SAFB: variants seen among roughly 807,000 people sequenced by gnomAD.
SAFB encodes the protein scaffold attachment factor B.
Under a neutral mutation model 101.6 loss-of-function variants are expected in SAFB, and 15 were observed. The ratio of observed to expected loss-of-function variants is 0.15; its 90% confidence interval spans 0.10 to 0.23. The LOEUF (loss-of-function observed/expected upper bound fraction) is 0.23, where lower values mean the gene tolerates loss of function less well. Ranked by LOEUF, SAFB falls within the 10% of genes least tolerant of loss-of-function variation. SAFB has a pLI of 1.00. For missense variants in SAFB, 930 were observed against 1,104.1 expected, an observed-to-expected ratio of 0.84 and a Z score of 2.23; for synonymous variants, 449 against 407.5, an observed-to-expected ratio of 1.10 and a Z score of -1.23.
rs2054004285 is a variant in SAFB at position 5,654,207 on chromosome 19, A to G, written c.1666+7A>G. 6.2e-7 allele frequency: 1 copy of G among 1,614,026 alleles called. No individual in the cohort carries two copies. Among genetic ancestry groups the G allele is most frequent in the East Asian group, 2.2e-5 (1 of 44,900 alleles). ...TCTCGAGCCACAAAGTCAGGTGGGC[A>G]GCTCATGAGCCCAGGAGATTCTGTC... On this transcript the variant is annotated splice_region_variant and intron_variant, in intron 12 of 20. Transcript: ENST00000588852.
chr19:5,654,309 G>A (rs2054006306), intron 12 of SAFB, 59 bp from the exon 13 acceptor site: 2 of 1,590,240 alleles, frequency 1.3e-6, no homozygotes, highest in East Asian at 2.2e-5. Flanking sequence ...GTTGCAGAGG[G>A]TTTTTCTCAT....
chr19:5,664,994 A>T (rs998272660), intron 17 of SAFB: 14 of 155,060 alleles, frequency 9.0e-5, no homozygotes, highest in Admixed American at 9.0e-4. Flanking sequence ...ACTTCCCAGG[A>T]GAGCCTTGGA....
At chr19:5,636,684 T>C in intron 2 of SAFB, among the ~76,000 whole-genome samples, 1 of 152,072 alleles carries the variant, frequency 6.6e-6, no homozygotes, top group East Asian at 1.9e-4. Context: ...GTTACAAGAA[T>C]AGTTTCCAGT....
chr19:5,664,182 G>A (rs752205093), intron 16 of SAFB, 23 bp downstream of exon 16: 115 of 1,609,450 alleles, frequency 7.1e-5, no homozygotes, highest in African/African-American at 3.5e-4. Flanking sequence ...CCTGCTGGGC[G>A]TGCGGGTTTT....
chr19:5,623,181 G>A lies in SAFB; in HGVS notation c.-25G>A, dbSNP rs1327471563. 1 of 1,558,406 alleles carries A rather than the reference G, an allele frequency of 6.4e-7. No individual in the cohort carries two copies. The highest frequency in any genetic ancestry group is 2.4e-5 in the East Asian group (1 of 41,276). ...AAACCGGCCCGGTTCTGTGGAAAGT[G>A]GGCGGCGGAGCCAGGGTCCCTGGAA... On this transcript the variant is annotated 5_prime_UTR_variant, in exon 1 of 21. Coordinates refer to ENST00000588852, the MANE Select transcript of SAFB (RefSeq NM_001201338.2).
intron 2 of SAFB, among the ~76,000 whole-genome samples, chr19:5,637,026 C>G (rs952639796): frequency 1.1e-4 from 16 of 150,976 alleles, no homozygotes; most frequent in African/African-American, 3.9e-4. Context: ...CTTAATACTG[C>G]TTGAAACAAC....
intron 5 of SAFB, among the ~76,000 whole-genome samples, chr19:5,647,805 G>T (rs1227141634): frequency 6.6e-6 from 1 of 152,202 alleles, no homozygotes; most frequent in Admixed American, 6.5e-5. Context: ...CCAGGCTCCT[G>T]CAGGGGAGAC....
intron 4 of SAFB, among the ~76,000 whole-genome samples, chr19:5,643,389 C>T (rs997872679): frequency 6.6e-6 from 1 of 152,148 alleles, no homozygotes; most frequent in African/African-American, 2.4e-5. Context: ...TGCATTTCCT[C>T]TTGGAACTGA....
chr19:5,637,346 A>T (rs2485276), intron 2 of SAFB, among the ~76,000 whole-genome samples: 2 of 149,864 alleles, frequency 1.3e-5, no homozygotes, highest in Non-Finnish European at 3.0e-5. Context: ...TCCATCTCAA[A>T]AAAAAAAAAA....
chr19:5,640,979 G>A (rs2145427578), intron 2 of SAFB, among the ~76,000 whole-genome samples: 1 of 150,962 alleles, frequency 6.6e-6, no homozygotes, highest in South Asian at 2.1e-4. Flanking sequence ...GCCCAGGCTG[G>A]AGTGCAGTGG....
At chr19:5,639,286 A>T (rs941698305) in intron 2 of SAFB, among the ~76,000 whole-genome samples, 3 of 152,348 alleles carry the variant, frequency 2.0e-5, no homozygotes, top group African/African-American at 7.2e-5. Context: ...TTAAAACTTC[A>T]AAAGAACTAA....
intron 11 of SAFB, 104 bp downstream of exon 11, chr19:5,653,524 T>A: frequency 1.0e-6 from 1 of 971,562 alleles, no homozygotes; most frequent in East Asian, 2.6e-5. Flanking sequence ...TGGAGTGCAG[T>A]GGTGTGATCT....
Position 5,667,972 on chromosome 19 carries a change from G to C in SAFB, c.2624+86G>C. On this transcript the variant is annotated intron_variant, in intron 20 of 20. Transcript: ENST00000588852. This position sits in a 1 kb window ranked among gnomAD's most constrained non-coding sequence, Gnocchi z 4.0. The stretch of plus-strand genomic sequence containing the variant: ...GAGGCTTAACAACCAAGTCCTTCCA[G>C]CTAGTGCCCCTCCCCCCAAGGGTGA... The C allele has an allele frequency of 6.8e-7, 1 of 1,459,906 alleles. No homozygotes were observed. Among genetic ancestry groups the C allele is most frequent in the Non-Finnish European group, 9.3e-7 (1 of 1,075,914 alleles). 90.4% of individuals were successfully genotyped at this position (1,459,906 alleles called of 1,614,324 possible). A position where few individuals can be genotyped will look rare whatever the true frequency, so the allele number is the denominator to read the frequency against.
At chr19:5,653,976 T>C (rs1449921291) in intron 11 of SAFB, 85 bp from the exon 12 acceptor site, 1 of 1,323,102 alleles carries the variant, frequency 7.6e-7, no homozygotes, top group Non-Finnish European at 1.1e-6. Context: ...CCCGGTCTCA[T>C]GTGATCCGCC....
rs188904085 is a variant in SAFB at position 5,654,186 on chromosome 19, G to A, written c.1652G>A (p.Arg551Gln). 2.9e-5 allele frequency: 47 copies of A among 1,614,194 alleles called. No homozygotes were observed. Among genetic ancestry groups the A allele is most frequent in the Non-Finnish European group, 3.3e-5 (39 of 1,180,026 alleles). ...AAACCTGGCCCCTCAGAGCGATCTC[G>A]AGCCACAAAGTCAGGTGGGCAGCTC... ...DQKPGPSERS[R>Q]ATKSGSRGTE... Residue 551 changes from arginine to glutamine, a missense_variant, in exon 12 of 21, where the codon CGA becomes CAA. Arg to Gln is a conservative substitution (Grantham distance 43, BLOSUM62 1). Around this residue, in one of 7 missense-constraint regions of SAFB, gnomAD observed 159 missense variants for 234.1 expected, o/e 0.68. Coordinates refer to ENST00000588852, the MANE Select transcript of SAFB (RefSeq NM_001201338.2).
At chr19:5,648,500 G>A in intron 6 of SAFB, 2 of 281,088 alleles carry the variant, frequency 7.1e-6, no homozygotes, top group East Asian at 1.0e-4. Flanking sequence ...AGAGGAAAGA[G>A]TGTCTTCATG....
chr19:5,623,175 G>A lies in SAFB; in HGVS notation c.-31G>A. ...CTGATAAAACCGGCCCGGTTCTGTG[G>A]AAAGTGGGCGGCGGAGCCAGGGTCC... On this transcript the variant is annotated 5_prime_UTR_variant, in exon 1 of 21. Transcript: ENST00000588852. 1 of 1,555,144 alleles carries A rather than the reference G, an allele frequency of 6.4e-7. No homozygotes were observed. Among genetic ancestry groups the A allele is most frequent in the African/African-American group, 1.4e-5 (1 of 73,248 alleles).
At chr19:5,638,750 C>G (rs1264547325) in intron 2 of SAFB, among the ~76,000 whole-genome samples, 5 of 106,924 alleles carry the variant, frequency 4.7e-5, no homozygotes, top group Non-Finnish European at 8.8e-5. Context: ...GACAGTCTGT[C>G]TTGCTCTGTC....
At chr19:5,654,893 A>G (rs1351854404) in intron 13 of SAFB, among the ~76,000 whole-genome samples, 6 of 152,242 alleles carry the variant, frequency 3.9e-5, no homozygotes, top group Non-Finnish European at 7.3e-5. Flanking sequence ...AAATGCAGAA[A>G]GCTTTCCTTT....
Sources: gnomAD v4.1 joint callset for allele counts (sites outside exome capture counted in the v4.1 genomes callset) on GRCh38, gnomAD v4.1.1 for gene constraint, gnomAD v4.1.1 regional missense constraint, Gnocchi (gnomAD v3.1) non-coding constraint, MANE v1.5 for transcripts, NCBI Gene and HGNC (gene_info 2026-07-23, HGNC 2026-07-21) for gene names.